COPS9: variants seen among roughly 807,000 people sequenced by gnomAD.
COPS9 encodes the protein COP9 signalosome complex subunit 9.
Under a neutral mutation model 7.2 loss-of-function variants are expected in COPS9, and 8 were observed. The ratio of observed to expected loss-of-function variants is 1.11; its 90% CI spans 0.65 to 2.00. COPS9 has a LOEUF of 2.00. Among genes scored for constraint, COPS9 ranks in the 30% most tolerant of loss-of-function variants. The pLI, the probability that COPS9 is intolerant of heterozygous loss-of-function variation, is 0.00. For synonymous variants in COPS9, 39 were observed against 28.7 expected, an observed-to-expected ratio of 1.36 and a Z score of -1.14; for missense variants, 74 against 77.7, an observed-to-expected ratio of 0.95 and a Z score of 0.18.
At chr2:240,136,121 G>GCCCCCCC in intron 1 of COPS9, 101 bp downstream of exon 1, 1 of 566,412 alleles carries the variant, frequency 1.8e-6, no homozygotes, top group Non-Finnish European at 2.5e-6. Context: ...TCGCCCACCC[G>GCCCCCCC]CCCGGCCTCC....
downstream of COPS9, chr2:240,126,598 T>C (rs1376099167): frequency 6.2e-7 from 1 of 1,614,056 alleles, no homozygotes. Flanking sequence ...GTGGTCTTCT[T>C]CCCTTCTTCT....
chr2:240,134,363 C>T (rs1243918173), intron 1 of COPS9: 3 of 208,722 alleles, frequency 1.4e-5, no homozygotes, highest in East Asian at 1.3e-4. Context: ...TTGAGCCCAT[C>T]GCCTCCACTC....
intron 2 of COPS9, among the ~76,000 whole-genome samples, chr2:240,133,336 A>C (rs2071940411): frequency 6.6e-6 from 1 of 152,240 alleles, no homozygotes; most frequent in African/African-American, 2.4e-5. Context: ...TCCCTCTAGC[A>C]GGTCTGAAGA....
chr2:240,126,565 A>G, downstream of COPS9: 1 of 1,611,270 alleles, frequency 6.2e-7, no homozygotes, highest in Non-Finnish European at 8.5e-7. Flanking sequence ...TCTGCATCCT[A>G]CCTCACATCT....
intron 2 of COPS9, 24 bp from the exon 3 acceptor site, chr2:240,131,112 T>G: frequency 6.2e-7 from 1 of 1,609,860 alleles, no homozygotes; most frequent in Non-Finnish European, 8.5e-7. Flanking sequence ...CAAAACCACG[T>G]AGTTACACCT....
At chr2:240,130,035 C>T (rs748130469), downstream of COPS9, 2 of 1,607,962 alleles carry the variant, frequency 1.2e-6, no homozygotes. Context: ...GCTGCTGAGC[C>T]CCAACAAAGG....
intron 1 of COPS9, chr2:240,134,329 G>A (rs951297129): frequency 3.9e-6 from 1 of 258,138 alleles, no homozygotes; most frequent in Non-Finnish European, 7.4e-6. Flanking sequence ...GCCGGACATC[G>A]CCAGAGGCCA....
chr2:240,129,818 C>T (rs570422367), downstream of COPS9: 32 of 1,122,774 alleles, frequency 2.9e-5, no homozygotes, highest in East Asian at 3.3e-4. Flanking sequence ...CCCTGCTCCT[C>T]GCCTGCAGAT....
At chr2:240,131,210 A>G (rs2071918817) in intron 2 of COPS9, 122 bp from the exon 3 acceptor site, 5 of 1,179,932 alleles carry the variant, frequency 4.2e-6, no homozygotes, top group Non-Finnish European at 2.4e-6. Context: ...CCAATGAAAT[A>G]AAAGACTTTT....
At chr2:240,126,694 C>T, downstream of COPS9, 1 of 1,614,184 alleles carries the variant, frequency 6.2e-7, no homozygotes, top group South Asian at 1.1e-5. Context: ...TCTTCGCTGA[C>T]CTCTCGCCTG....
intron 1 of COPS9, among the ~76,000 whole-genome samples, chr2:240,134,726 C>T (rs2151712116): frequency 6.6e-6 from 1 of 152,268 alleles, no homozygotes; most frequent in Admixed American, 6.5e-5. Flanking sequence ...TTCAGACACT[C>T]TCAGAAAAGC....
chr2:240,130,565 A>G (rs77609562), downstream of COPS9, among the ~76,000 whole-genome samples: 2,366 of 152,358 alleles, frequency 0.016, 43 homozygotes, highest in East Asian at 0.089. Context: ...AGACACACAC[A>G]GTGGGAACCT....
At chr2:240,134,154 A>G in intron 1 of COPS9, 149 bp from the exon 2 acceptor site, 1 of 671,702 alleles carries the variant, frequency 1.5e-6, no homozygotes, top group Non-Finnish European at 2.6e-6. Flanking sequence ...TTCCAGACAC[A>G]GGAATGTGTA....
At position 240,131,012 on chromosome 2, in the gene COPS9, G is replaced by A. The variant is rs767811368; in HGVS notation, c.*39C>T. On this transcript the variant is annotated 3_prime_UTR_variant, in exon 3 of 3. Transcript: ENST00000607357. The stretch of plus-strand genomic sequence containing the variant: ...CTGCGCAGGCTCACACTGCGGCTCT[G>A]TACCAAGGGCTTGGCCCCGCCTGCA... 3.7e-6 allele frequency: 6 copies of A among 1,610,658 alleles called. No homozygotes were observed. In the African/African-American group the frequency reaches 6.7e-5, roughly 18 times the overall value.
At chr2:240,130,516 G>A (rs747916971), downstream of COPS9, among the ~76,000 whole-genome samples, 15 of 152,206 alleles carry the variant, frequency 9.9e-5, no homozygotes, top group African/African-American at 3.1e-4. Flanking sequence ...CTGCCCTGAC[G>A]TGGAGGCCAG....
rs2071918297 is a variant in COPS9, at chr2:240,131,167, G to A, written c.137-79C>T. 4.9e-6 allele frequency: 7 copies of A among 1,442,444 alleles called. No individual in the cohort carries two copies. The South Asian group carries it at 7.3e-5, about 15-fold the overall frequency. 89.4% of individuals were successfully genotyped at this position (1,442,444 alleles called of 1,614,324 possible). A position where few individuals can be genotyped will look rare whatever the true frequency, so the allele number is the denominator to read the frequency against. On this transcript the variant is annotated intron_variant, in intron 2 of 2. Transcript: ENST00000607357. ...AAATCACTTCAGAATGAATTATATA[G>A]TAGTCCAAAATACAGAGATAATCGT...
At chr2:240,136,193 C>G (rs751575255) in intron 1 of COPS9, 29 bp downstream of exon 1, 1 of 1,508,076 alleles carries the variant, frequency 6.6e-7, no homozygotes, top group Non-Finnish European at 8.8e-7. Context: ...GCTCCCCACG[C>G]TCGGAGACTC....
At chr2:240,129,847 A>C (rs2071902768), downstream of COPS9, 110 of 1,458,510 alleles carry the variant, frequency 7.5e-5, 1 homozygote, top group South Asian at 1.3e-3. Context: ...TGGGTCTCAG[A>C]AACAAAGCGG....
chr2:240,131,013 T>C lies in COPS9; in HGVS notation c.*38A>G, dbSNP rs750769707. On this transcript the variant is annotated 3_prime_UTR_variant, in exon 3 of 3. Transcript: ENST00000607357. ...TGCGCAGGCTCACACTGCGGCTCTGTACCAAGGGCTTGGCCCCGCCTGCAG... is the reference window on the plus strand; with the variant it reads ...TGCGCAGGCTCACACTGCGGCTCTGCACCAAGGGCTTGGCCCCGCCTGCAG... The C allele has an allele frequency of 8.1e-6, 13 of 1,610,896 alleles. No individual in the cohort carries two copies. The highest frequency in any genetic ancestry group is 6.7e-5 in the Admixed American group (4 of 59,680).
Sources: allele counts gnomAD v4.1 joint callset (sites outside exome capture counted in the v4.1 genomes callset), GRCh38; gene constraint gnomAD v4.1.1; transcripts MANE v1.5; gene names NCBI Gene and HGNC (gene_info 2026-07-23, HGNC 2026-07-21).